Variants in ARID1A observed in about 807,000 individuals in gnomAD.
ARID1A encodes AT-rich interaction domain 1A, also known as AT-rich interactive domain-containing protein 1A.
In ARID1A, 20 loss-of-function variants were observed where a neutral mutation model predicts 212.6. That is an observed-to-expected ratio of 0.09 (90% CI 0.07 to 0.14). The LOEUF is 0.14. Ranked by LOEUF, ARID1A falls within the 10% of genes least tolerant of loss-of-function variation. The pLI is 1.00. For synonymous variants in ARID1A, 1,376 were observed against 1,222.1 expected, an observed-to-expected ratio of 1.13 and a Z score of -2.63; for missense variants, 2,587 against 3,059.0, an observed-to-expected ratio of 0.85 and a Z score of 3.64.
intron 8 of ARID1A, chr1:26,765,945 G>A (rs932250387): frequency 3.0e-5 from 11 of 363,302 alleles, no homozygotes; most frequent in African/African-American, 2.3e-4. Context: ...AGGAGGCTGA[G>A]GAAGGCAGAT....
At chr1:26,737,309 G>C (rs1339537041) in intron 4 of ARID1A, among the ~76,000 whole-genome samples, 2 of 151,980 alleles carry the variant, frequency 1.3e-5, no homozygotes, top group African/African-American at 4.8e-5. Flanking sequence ...GTAGAGATGG[G>C]GTTTCACGAT....
chr1:26,712,067 C>G (rs943009177), intron 1 of ARID1A, among the ~76,000 whole-genome samples: 3 of 151,836 alleles, frequency 2.0e-5, no homozygotes, highest in African/African-American at 7.3e-5. Context: ...GGTGACACAG[C>G]AAGACCCTGT....
chr1:26,749,800 G>A (rs1055036410), intron 4 of ARID1A, among the ~76,000 whole-genome samples: 3 of 152,166 alleles, frequency 2.0e-5, no homozygotes, highest in South Asian at 2.1e-4. Flanking sequence ...AAACCCATTC[G>A]GGGTTGTACT....
intron 1 of ARID1A, among the ~76,000 whole-genome samples, chr1:26,699,643 TAA>T (rs2080313195): frequency 6.6e-6 from 1 of 152,222 alleles, no homozygotes; most frequent in African/African-American, 2.4e-5. Context: ...AGTTTTGTCT[TAA>T]AAGACAGCAT....
chr1:26,729,788 G>C lies in ARID1A; in HGVS notation c.1275G>C (p.Gln425His), dbSNP rs2080655407. Residue 425 changes from glutamine (Q) to histidine (H), a missense_variant, in exon 2 of 20, where the codon CAG becomes CAC. Gln to His is a conservative substitution (Grantham distance 24, BLOSUM62 0). Transcript: ENST00000324856. ...HGYPGQPYGSQTPQRYPMTMQ... is the reference protein window; with the variant it reads ...HGYPGQPYGSHTPQRYPMTMQ... ...ACCCAGGGCAGCCATACGGGTCCCAGACCCCGCAGCGGTACCCGATGACCA... is the reference window on the plus strand; with the variant it reads ...ACCCAGGGCAGCCATACGGGTCCCACACCCCGCAGCGGTACCCGATGACCA... 6.2e-7 allele frequency: 1 copy of C among 1,614,246 alleles called. No individual in the cohort carries two copies. Among genetic ancestry groups the C allele is most frequent in the East Asian group, 2.2e-5 (1 of 44,892 alleles).
intron 1 of ARID1A, among the ~76,000 whole-genome samples, chr1:26,719,802 ATGG>A (rs2080542710): frequency 6.6e-6 from 1 of 151,790 alleles, no homozygotes; most frequent in African/African-American, 2.4e-5. Flanking sequence ...TTAGCCGGGC[ATGG>A]TGACATGCGC....
At chr1:26,743,525 C>CAATA (rs774940006) in intron 4 of ARID1A, among the ~76,000 whole-genome samples, 1 of 151,910 alleles carries the variant, frequency 6.6e-6, no homozygotes, top group Non-Finnish European at 1.5e-5. Flanking sequence ...CAAATCCTCT[C>CAATA]AATAAATGCT....
At chr1:26,723,499 G>C (rs778263259) in intron 1 of ARID1A, among the ~76,000 whole-genome samples, 13 of 152,290 alleles carry the variant, frequency 8.5e-5, no homozygotes, top group Middle Eastern at 6.8e-3. Context: ...GCTGTTTTCT[G>C]CTGGGGTCCT....
intron 11 of ARID1A, among the ~76,000 whole-genome samples, chr1:26,768,884 G>A (rs2081060386): frequency 1.3e-5 from 2 of 152,200 alleles, no homozygotes; most frequent in South Asian, 4.1e-4. Context: ...GGGAGGTGTG[G>A]CAGGGAGGGA....
Position 26,774,047 on chromosome 1 carries a change from C to T in ARID1A, c.4101+149C>T. On this transcript the variant is annotated intron_variant, in intron 17 of 19. Transcript: ENST00000324856. This position sits in a 1 kb window ranked among gnomAD's most constrained non-coding sequence, Gnocchi z 5.6. ...TGACTGGCCAGTCCTGCCTGAAGAG[C>T]CACGTCCTCAATCTCTTCTCTATTT... 2 of 1,114,860 alleles carry T rather than the reference C, an allele frequency of 1.8e-6. No homozygotes were observed. The highest frequency in any genetic ancestry group is 2.6e-5 in the Admixed American group (1 of 38,618). 69.1% of individuals were successfully genotyped at this position (1,114,860 alleles called of 1,614,324 possible).
chr1:26,746,726 A>C (rs1457517802), intron 4 of ARID1A, among the ~76,000 whole-genome samples: 2 of 152,028 alleles, frequency 1.3e-5, no homozygotes, highest in African/African-American at 4.8e-5. Flanking sequence ...ACCCTGTTTT[A>C]GTAAAATACA....
intron 1 of ARID1A, among the ~76,000 whole-genome samples, chr1:26,699,628 G>A (rs999066271): frequency 2.0e-5 from 3 of 152,184 alleles, no homozygotes; most frequent in African/African-American, 4.8e-5. Context: ...AGTGTCTGGA[G>A]GAAAAGTTTT....
chr1:26,773,828 C>T lies in ARID1A; in HGVS notation c.4031C>T (p.Ser1344Phe), dbSNP rs2124114718. The change falls in exon 17 of 20, where the codon TCC (serine) becomes TTC (phenylalanine). Residue 1344 changes from serine (S) to phenylalanine (F), a missense_variant. By Grantham distance (155) the Ser-to-Phe change is radical (BLOSUM62 -2). Coordinates refer to ENST00000324856, the MANE Select transcript of ARID1A (RefSeq NM_006015.6). ...CATGATTCCTATGGCAATCAGTTCT[C>T]CACCCAAGGCACCCCTTCTGGCAGC... ...QRHDSYGNQF[S>F]TQGTPSGSPF... The T allele has an allele frequency of 2.5e-6, 4 of 1,614,208 alleles. No individual in the cohort carries two copies. Among genetic ancestry groups the T allele is most frequent in the Non-Finnish European group, 3.4e-6 (4 of 1,180,030 alleles).
chr1:26,719,418 C>T (rs968550046), intron 1 of ARID1A, among the ~76,000 whole-genome samples: 1 of 152,134 alleles, frequency 6.6e-6, no homozygotes, highest in Non-Finnish European at 1.5e-5. Context: ...CTCTTCAGAC[C>T]ATTGTTTGGC....
chr1:26,729,292 A>G (rs1444884776), intron 1 of ARID1A: 3 of 258,180 alleles, frequency 1.2e-5, no homozygotes, highest in Non-Finnish European at 2.3e-5. Flanking sequence ...TGAAGCATCA[A>G]TTTTGGTGTG....
chr1:26,753,872 T>G (rs1039699648), intron 4 of ARID1A, among the ~76,000 whole-genome samples: 1 of 152,206 alleles, frequency 6.6e-6, no homozygotes, highest in Non-Finnish European at 1.5e-5. Context: ...AGTGGCGTGA[T>G]CTCGGCTCAT....
At chr1:26,708,697 C>CT (rs71007886) in intron 1 of ARID1A, among the ~76,000 whole-genome samples, 8,981 of 149,292 alleles carry the variant, frequency 0.06, 319 homozygotes, top group Non-Finnish European at 0.081. Flanking sequence ...GGATTATTGT[C>CT]TTTTTTTTTC....
chr1:26,696,071 C>T lies in ARID1A; in HGVS notation c.-333C>T. ...CACAGCGGGGCCAGGCCCTGGGGAG[C>T]GGAGCCTCCACCGCCCCCCTCATTC... is the stretch of plus-strand genomic sequence containing the variant. On this transcript the variant is annotated 5_prime_UTR_variant, in exon 1 of 20. Coordinates refer to ENST00000324856, the MANE Select transcript of ARID1A (RefSeq NM_006015.6). The T allele has an allele frequency of 3.7e-6, 2 of 543,062 alleles. No individual in the cohort carries two copies. Among genetic ancestry groups the T allele is most frequent in the Non-Finnish European group, 4.8e-6 (2 of 414,532 alleles). 33.6% of individuals were successfully genotyped at this position (543,062 alleles called of 1,614,324 possible). A position where few individuals can be genotyped will look rare whatever the true frequency, so the allele number is the denominator to read the frequency against.
chr1:26,767,830 A>G lies in ARID1A; in HGVS notation c.3029A>G (p.Lys1010Arg). The change falls in exon 11 of 20, where the codon AAG becomes AGG. Residue 1010 changes from lysine (K) to arginine (R), a missense_variant. Lys to Arg is a conservative substitution (Grantham distance 26). Coordinates refer to ENST00000324856, the MANE Select transcript of ARID1A (RefSeq NM_006015.6). ...ACTACAACCAATGAGAAGATCACCA[A>G]GTTGTATGAGCTGGGTGGTGAGCCT... The part of the protein sequence containing the change: ...SSTTTNEKIT[K>R]LYELGGEPER... The G allele has an allele frequency of 6.2e-7, 1 of 1,614,104 alleles. No individual in the cohort carries two copies. Among genetic ancestry groups the G allele is most frequent in the Non-Finnish European group, 8.5e-7 (1 of 1,179,998 alleles).
Sources: gnomAD v4.1 joint callset for allele counts (sites outside exome capture counted in the v4.1 genomes callset) on GRCh38, gnomAD v4.1.1 for gene constraint, Gnocchi (gnomAD v3.1) non-coding constraint, MANE v1.5 for transcripts, NCBI Gene and HGNC (gene_info 2026-07-23, HGNC 2026-07-21) for gene names.